Variants in FAM186A observed in about 807,000 individuals in gnomAD.
FAM186A encodes the protein family with sequence similarity 186 member A, also known as protein FAM186A.
In FAM186A, 163 loss-of-function variants were observed where a neutral mutation model predicts 216.8. That is an observed-to-expected ratio of 0.75 (90% confidence interval 0.66 to 0.86). FAM186A has a LOEUF of 0.86. Among genes scored for constraint, FAM186A ranks in the 40% least tolerant of loss-of-function variants. FAM186A has a pLI of 0.00. For synonymous variants in FAM186A, 805 were observed against 1,025.3 expected, an observed-to-expected ratio of 0.79 and a Z score of 4.10; for missense variants, 2,184 against 2,746.2, an observed-to-expected ratio of 0.80 and a Z score of 4.58.
intron 4 of FAM186A, among the ~76,000 whole-genome samples, chr12:50,337,693 C>T (rs1325784172): frequency 6.6e-6 from 1 of 151,646 alleles, no homozygotes; most frequent in African/African-American, 2.4e-5. Flanking sequence ...GTCAAGAGAT[C>T]GAGACCATCC....
chr12:50,364,095 G>C (rs1469588298), intron 1 of FAM186A, among the ~76,000 whole-genome samples: 1 of 152,134 alleles, frequency 6.6e-6, no homozygotes, highest in Non-Finnish European at 1.5e-5. Context: ...GCATTTAGTA[G>C]AGGGTACTAA....
chr12:50,345,445 T>A (rs1179058453), intron 4 of FAM186A, among the ~76,000 whole-genome samples: 1 of 152,154 alleles, frequency 6.6e-6, no homozygotes. Flanking sequence ...AGAATGGTAT[T>A]TCCTAGGTTT....
chr12:50,333,480 C>T (rs966183449), intron 5 of FAM186A, among the ~76,000 whole-genome samples: 22 of 151,566 alleles, frequency 1.5e-4, no homozygotes, highest in Admixed American at 6.6e-5. Flanking sequence ...TGCACCGAGT[C>T]GAAATAGTGC....
intron 2 of FAM186A, among the ~76,000 whole-genome samples, 185 bp downstream of exon 2, chr12:50,362,960 A>G (rs954524447): frequency 5.3e-5 from 8 of 152,224 alleles, no homozygotes; most frequent in African/African-American, 1.9e-4. Context: ...CATAGCTGGC[A>G]CTAAGTGAAT....
intron 4 of FAM186A, among the ~76,000 whole-genome samples, chr12:50,344,623 T>C (rs754283299): frequency 2.0e-5 from 3 of 152,174 alleles, no homozygotes; most frequent in Non-Finnish European, 4.4e-5. Flanking sequence ...TTTGAATATA[T>C]ACCCAGTAAT....
chr12:50,360,277 AAAAT>A (rs1432286758), intron 3 of FAM186A, among the ~76,000 whole-genome samples: 4 of 151,480 alleles, frequency 2.6e-5, no homozygotes, highest in Admixed American at 6.6e-5. Flanking sequence ...AAATAAATTT[AAAAT>A]AAATAAAAAT....
In FAM186A at chr12:50,355,592, T is replaced by A. The variant is rs191655917; in HGVS notation, c.1240A>T (p.Thr414Ser). The A allele has an allele frequency of 6.4e-6, 10 of 1,551,582 alleles. No individual in the cohort carries two copies. In the East Asian group the frequency reaches 2.4e-4, roughly 38 times the overall value. Residue 414 changes from threonine (T) to serine (S), a missense_variant, in exon 4 of 8, where the codon ACT (threonine) becomes TCT (serine). Physicochemically the swap from Thr to Ser is moderately conservative, Grantham distance 58 (BLOSUM62 1). This residue lies in a region of FAM186A where 1,132 missense variants were observed against 1,263.4 expected (regional missense o/e 0.90). Coordinates refer to ENST00000327337, the MANE Select transcript of FAM186A (RefSeq NM_001145475.3). The part of the protein sequence containing the change: ...TISYTAQAER[T>S]PDLTELRQQP... ...TGTCGTAGTTCAGTTAAATCTGGAGTTCTTTCAGCTTGGGCTGTATATGAA... is the reference window on the plus strand; with the variant it reads ...TGTCGTAGTTCAGTTAAATCTGGAGATCTTTCAGCTTGGGCTGTATATGAA...
chr12:50,372,382 A>G (rs1315880205), intron 1 of FAM186A, among the ~76,000 whole-genome samples: 2 of 148,918 alleles, frequency 1.3e-5, no homozygotes, highest in Admixed American at 6.8e-5. Context: ...TCATGAGGTC[A>G]GGCGTTCAAG....
chr12:50,386,090 T>A (rs756626582), intron 1 of FAM186A, among the ~76,000 whole-genome samples: 5 of 152,136 alleles, frequency 3.3e-5, no homozygotes, highest in Non-Finnish European at 7.3e-5. Flanking sequence ...CATTGTATAC[T>A]TGAAGATTGC....
intron 1 of FAM186A, among the ~76,000 whole-genome samples, chr12:50,383,067 GAACAAC>G (rs908722246): frequency 4.1e-5 from 6 of 147,426 alleles, no homozygotes; most frequent in African/African-American, 1.5e-4. Flanking sequence ...AATACAAAAA[GAACAAC>G]AACAACAACA....
At position 50,396,458 on chromosome 12, in the gene FAM186A, T is replaced by C. The variant is rs1464836664; in HGVS notation, c.27A>G (p.Ile9Met). ...ATTTTTCTGATTCAGGGTCATTGTC[T>C]ATCTCATTTTTCATTTTGAAGAACA... MFFKMKNE[I>M]DNDPESEKCI... is the part of the protein sequence containing the mutation. The change falls in exon 1 of 8, where the codon ATA (isoleucine) becomes ATG (methionine). Residue 9 changes from isoleucine to methionine, a missense_variant. Ile to Met is a conservative substitution (Grantham distance 10, BLOSUM62 1). This residue lies in a region of FAM186A where 1,132 missense variants were observed against 1,263.4 expected (regional missense o/e 0.90). Transcript: ENST00000327337. The C allele has an allele frequency of 6.5e-7, 1 of 1,537,412 alleles. No homozygotes were observed.
At chr12:50,357,170 C>T (rs1942986205) in intron 3 of FAM186A, among the ~76,000 whole-genome samples, 1 of 152,140 alleles carries the variant, frequency 6.6e-6, no homozygotes, top group South Asian at 2.1e-4. Context: ...TGAATCAAAG[C>T]TTGCCTTGGT....
intron 1 of FAM186A, among the ~76,000 whole-genome samples, chr12:50,364,011 T>C (rs1443833169): frequency 3.9e-5 from 6 of 152,198 alleles, no homozygotes; most frequent in Non-Finnish European, 7.3e-5. Context: ...ATGTAATTAC[T>C]ACCTCATATA....
Position 50,346,220 on chromosome 12 carries a change from G to GAGAGAGAGA in FAM186A, c.6503+4108_6503+4109insTCTCTCTCT, listed in dbSNP as rs1555215373. Among the ~76,000 whole-genome samples, 4 of 46,722 alleles carry GAGAGAGAGA rather than the reference G, an allele frequency of 8.6e-5. No individual in the cohort carries two copies. In the South Asian group the frequency reaches 2.2e-3, roughly 26 times the overall value. 30.7% of individuals were successfully genotyped at this position (46,722 alleles called of 152,430 possible). A position where few individuals can be genotyped will look rare whatever the true frequency, so the allele number is the denominator to read the frequency against. On this transcript the variant is annotated intron_variant, in intron 4 of 7. Transcript: ENST00000327337. ...GAAAGAAAGAGAGAGAGAGAGAGAA[G>GAGAGAGAGA]GAAAGAAAGAAAGAAAAAAAGAAAG...
chr12:50,353,928 C>T lies in FAM186A; in HGVS notation c.2904G>A (p.Lys968=), dbSNP rs1565886327. The T allele has an allele frequency of 6.4e-7, 1 of 1,553,586 alleles. No homozygotes were observed. Among genetic ancestry groups the T allele is most frequent in the Non-Finnish European group, 8.7e-7 (1 of 1,148,096 alleles). ...PHRRREKGKE[K]QKPERGLEDL... Reference sequence around the variant, plus strand: ...CCTCTAGCCCTCTCTCTGGCTTCTGCTTTTCCTTCCCTTTCTCCCTTCTCC... The same window carrying T: ...CCTCTAGCCCTCTCTCTGGCTTCTGTTTTTCCTTCCCTTTCTCCCTTCTCC... The change falls in exon 4 of 8, where the codon AAG becomes AAA. Residue 968 remains lysine (K), a synonymous_variant. Coordinates refer to ENST00000327337, the MANE Select transcript of FAM186A (RefSeq NM_001145475.3).
chr12:50,330,875 A>G, intron 6 of FAM186A, 117 bp from the exon 7 acceptor site: 1 of 839,896 alleles, frequency 1.2e-6, no homozygotes, highest in Non-Finnish European at 1.7e-6. Context: ...TTCCCCTTGC[A>G]CTGACCAGCA....
chr12:50,364,964 G>C (rs1025634236), intron 1 of FAM186A, among the ~76,000 whole-genome samples: 1 of 150,244 alleles, frequency 6.7e-6, no homozygotes, highest in African/African-American at 2.5e-5. Context: ...CTTGAACCCA[G>C]GAGGTAAAGG....
chr12:50,372,446 T>C (rs564670148), intron 1 of FAM186A, among the ~76,000 whole-genome samples: 1 of 151,188 alleles, frequency 6.6e-6, no homozygotes, highest in African/African-American at 2.4e-5. Context: ...TACAAAAAAT[T>C]AGCCGGGCAT....
chr12:50,341,138 G>A (rs1165874888), intron 4 of FAM186A, among the ~76,000 whole-genome samples: 2 of 152,054 alleles, frequency 1.3e-5, no homozygotes, highest in Non-Finnish European at 2.9e-5. Context: ...TCTCTTCTCA[G>A]ATATATTTCA....
Sources: allele counts gnomAD v4.1 joint callset (sites outside exome capture counted in the v4.1 genomes callset), GRCh38; gene constraint gnomAD v4.1.1; regional missense constraint gnomAD v4.1.1; transcripts MANE v1.5; gene names NCBI Gene and HGNC (gene_info 2026-07-23, HGNC 2026-07-21).